The following SPIRE1 variants were observed in gnomAD, a reference collection of about 807,000 sequenced individuals.
The protein encoded by SPIRE1 is spire type actin nucleation factor 1, also known as protein spire homolog 1.
In SPIRE1, 40 loss-of-function variants were observed where a neutral mutation model predicts 94.1. That is an observed-to-expected ratio of 0.43 (90% CI 0.33 to 0.55). SPIRE1 has a LOEUF of 0.55. Among genes scored for constraint, SPIRE1 ranks in the 20% least tolerant of loss-of-function variants. The pLI is 0.06. For synonymous variants in SPIRE1, 376 were observed against 371.7 expected, an observed-to-expected ratio of 1.01 and a Z score of -0.13; for missense variants, 838 against 975.2, an observed-to-expected ratio of 0.86 and a Z score of 1.87.
chr18:12,629,367 CTATT>C (rs1404680900), intron 2 of SPIRE1, among the ~76,000 whole-genome samples: 1 of 152,168 alleles, frequency 6.6e-6, no homozygotes, highest in Non-Finnish European at 1.5e-5. Context: ...ATCCACAAAA[CTATT>C]TAAACAATGG....
At chr18:12,577,128 A>G (rs1222137921) in intron 2 of SPIRE1, among the ~76,000 whole-genome samples, 1 of 152,010 alleles carries the variant, frequency 6.6e-6, no homozygotes, top group Non-Finnish European at 1.5e-5. Context: ...GCCTCATACC[A>G]TATACAAAAA....
chr18:12,613,563 A>G (rs949758222), intron 2 of SPIRE1, among the ~76,000 whole-genome samples: 1 of 152,238 alleles, frequency 6.6e-6, no homozygotes, highest in Non-Finnish European at 1.5e-5. Flanking sequence ...CCAGATTTGA[A>G]AGACTTCATA....
At position 12,546,765 on chromosome 18, in the gene SPIRE1, T is replaced by A; in HGVS notation, c.512A>T (p.Asp171Val). 1 of 1,614,158 alleles carries A rather than the reference T, an allele frequency of 6.2e-7. No individual in the cohort carries two copies. ...TTCTTCTGCAGCCTCATAGCCCTCA[T>A]CATTGCTACCGTCAGCTTCCACCGT... ...ANTVEADGSN[D>V]EGYEAAEEGL... The change falls in exon 3 of 17, where the codon GAT becomes GTT. Residue 171 changes from aspartate (D) to valine (V), a missense_variant. This residue lies in a region of SPIRE1 where 645 missense variants were observed against 804.7 expected (regional missense o/e 0.80). Coordinates refer to ENST00000409402, the MANE Select transcript of SPIRE1 (RefSeq NM_001128626.2).
intron 2 of SPIRE1, among the ~76,000 whole-genome samples, chr18:12,604,206 T>C (rs2036910775): frequency 6.6e-6 from 1 of 152,184 alleles, no homozygotes; most frequent in African/African-American, 2.4e-5. Flanking sequence ...GTCAGAAGCA[T>C]AGGTGAGAAC....
chr18:12,577,002 A>C (rs1319015771), intron 2 of SPIRE1, among the ~76,000 whole-genome samples: 2 of 152,032 alleles, frequency 1.3e-5, no homozygotes, highest in African/African-American at 4.8e-5. Flanking sequence ...CACTTACATG[A>C]TAAATGGATT....
At chr18:12,523,164 G>A (rs1383145018) in intron 4 of SPIRE1, among the ~76,000 whole-genome samples, 1 of 152,192 alleles carries the variant, frequency 6.6e-6, no homozygotes, top group East Asian at 1.9e-4. Flanking sequence ...CCTCATGGAT[G>A]ACTTTGAGGG....
intron 2 of SPIRE1, among the ~76,000 whole-genome samples, chr18:12,590,156 C>T (rs1488501134): frequency 2.6e-5 from 4 of 151,452 alleles, no homozygotes; most frequent in Admixed American, 6.6e-5. Context: ...GGTGTAGTCC[C>T]GGCTCATTGC....
chr18:12,661,601 G>A (rs535673981), upstream of SPIRE1, among the ~76,000 whole-genome samples: 5 of 151,826 alleles, frequency 3.3e-5, no homozygotes, highest in East Asian at 2.0e-4. Flanking sequence ...GTGAAACCTC[G>A]TCTCTACTAA....
intron 3 of SPIRE1, among the ~76,000 whole-genome samples, chr18:12,540,669 C>T (rs1320177034): frequency 6.6e-6 from 1 of 152,200 alleles, no homozygotes; most frequent in Non-Finnish European, 1.5e-5. Context: ...AGCCACTGCA[C>T]CTGGCCTCTC....
intron 2 of SPIRE1, among the ~76,000 whole-genome samples, chr18:12,608,021 C>G (rs2037033805): frequency 6.6e-6 from 1 of 151,960 alleles, no homozygotes; most frequent in African/African-American, 2.4e-5. Flanking sequence ...AGCCAGGCAT[C>G]ATGGCCGGTG....
chr18:12,464,066 T>C (rs889516621), intron 11 of SPIRE1, among the ~76,000 whole-genome samples: 5 of 152,234 alleles, frequency 3.3e-5, no homozygotes, highest in African/African-American at 1.2e-4. Context: ...CCTCCTACTC[T>C]ATCTACAGAG....
chr18:12,479,496 A>G (rs574854165), intron 10 of SPIRE1, among the ~76,000 whole-genome samples: 2 of 152,312 alleles, frequency 1.3e-5, no homozygotes, highest in Admixed American at 6.5e-5. Context: ...TTCTATAATT[A>G]TAGCCACTAT....
chr18:12,462,232 C>T (rs947017764), intron 12 of SPIRE1, among the ~76,000 whole-genome samples: 15 of 152,090 alleles, frequency 9.9e-5, no homozygotes, highest in African/African-American at 3.1e-4. Flanking sequence ...GTTCAAAATC[C>T]CTGTCTTCAC....
At chr18:12,539,744 G>A (rs1292879922) in intron 3 of SPIRE1, among the ~76,000 whole-genome samples, 2 of 151,762 alleles carry the variant, frequency 1.3e-5, no homozygotes, top group Non-Finnish European at 2.9e-5. Context: ...GACCAACATA[G>A]TGAAACCCCG....
chr18:12,451,704 G>A (rs1313561940), intron 16 of SPIRE1, among the ~76,000 whole-genome samples: 2 of 152,178 alleles, frequency 1.3e-5, no homozygotes, highest in Non-Finnish European at 2.9e-5. Flanking sequence ...GGCTTGAGCT[G>A]GCCTACCTCC....
rs1438737986 is a variant in SPIRE1, at chr18:12,449,361, A to AAGT, written c.*274_*276dup. 14 of 445,040 alleles carry AAGT rather than the reference A, an allele frequency of 3.1e-5. No homozygotes were observed. In the South Asian group the frequency reaches 3.4e-4, roughly 11 times the overall value. The allele number at this position is 445,040 out of a possible 1,614,324, so 27.6% of individuals were successfully genotyped here. The stretch of plus-strand genomic sequence containing the variant: ...GGAACAGTAAAGAACTGAACTAAGG[A>AAGT]AGTAGCTACTGGCTTCCAAAGCCAC... On this transcript the variant is annotated 3_prime_UTR_variant, in exon 17 of 17. Transcript: ENST00000409402.
chr18:12,478,989 T>A (rs753800961), intron 10 of SPIRE1, among the ~76,000 whole-genome samples: 1 of 152,140 alleles, frequency 6.6e-6, no homozygotes, highest in Non-Finnish European at 1.5e-5. Flanking sequence ...TGTATATGTG[T>A]GTGTGTATTT....
chr18:12,581,876 T>C (rs2036266771), intron 2 of SPIRE1, among the ~76,000 whole-genome samples: 1 of 150,312 alleles, frequency 6.7e-6, no homozygotes, highest in Non-Finnish European at 1.5e-5. Flanking sequence ...AAAAAAATCA[T>C]TATGAGAGAC....
chr18:12,639,227 T>C (rs1393920586), intron 1 of SPIRE1, among the ~76,000 whole-genome samples: 1 of 151,686 alleles, frequency 6.6e-6, no homozygotes, highest in Non-Finnish European at 1.5e-5. Context: ...GTTCAGGCAT[T>C]GCACTCCACC....
Sources: gnomAD v4.1 joint callset for allele counts (sites outside exome capture counted in the v4.1 genomes callset) on GRCh38, gnomAD v4.1.1 for gene constraint, gnomAD v4.1.1 regional missense constraint, MANE v1.5 for transcripts, NCBI Gene and HGNC (gene_info 2026-07-23, HGNC 2026-07-21) for gene names.